The following PTPN12 variants were observed in gnomAD, a reference collection of about 807,000 sequenced individuals.
PTPN12 encodes the protein protein tyrosine phosphatase non-receptor type 12, also known as tyrosine-protein phosphatase non-receptor type 12.
In PTPN12, 29 loss-of-function variants were observed where a neutral mutation model predicts 97.6. That is an observed-to-expected ratio of 0.30 (90% CI 0.22 to 0.41). The LOEUF is 0.41. Among genes scored for constraint, PTPN12 ranks in the 10% least tolerant of loss-of-function variants. The pLI, the probability that PTPN12 is intolerant of heterozygous loss-of-function variation, is 1.00. For synonymous variants in PTPN12, 327 were observed against 300.4 expected (o/e 1.09, Z -0.91); for missense variants, 819 against 926.0 (o/e 0.88, Z 1.50).
intron 3 of PTPN12, 27 bp downstream of exon 3, chr7:77,581,530 C>T (rs1257083059): frequency 7.2e-7 from 1 of 1,396,370 alleles, no homozygotes; most frequent in Admixed American, 2.0e-5. Context: ...AATGGTGTTT[C>T]TCTGCCATAT....
chr7:77,638,521 GT>G, intron 16 of PTPN12, 102 bp from the exon 17 acceptor site: 1 of 1,335,902 alleles, frequency 7.5e-7, no homozygotes, highest in Middle Eastern at 2.0e-4. Flanking sequence ...AGGAGAGAAA[GT>G]TTTCTCTTTT....
In PTPN12 at chr7:77,564,747, T is replaced by TTTTTTTG. The variant is rs1554312984; in HGVS notation, c.100-6325_100-6324insGTTTTTT. 1.3e-3 allele frequency among the ~76,000 whole-genome samples: 54 copies of TTTTTTTG among 42,128 alleles called. 1 individual carries two copies. The highest frequency in any genetic ancestry group is 2.1e-3 in the African/African-American group (17 of 7,990). The allele number at this position is 42,128 out of a possible 152,430, so 27.6% of individuals were successfully genotyped here. ...TTTGTTGTTGTTTTTTGTTGTCGTG[T>TTTTTTTG]TTTTTTTTTTTTTTTTTTTTTTTTT... On this transcript the variant is annotated intron_variant, in intron 1 of 17. Transcript: ENST00000248594.
intron 12 of PTPN12, among the ~76,000 whole-genome samples, chr7:77,625,510 TCTCTCTCTCTCTCA>T (rs1354500183): frequency 4.4e-4 from 44 of 100,368 alleles, no homozygotes; most frequent in South Asian, 7.0e-4. Context: ...TCTCTCTCTC[TCTCTCTCTCTCTCA>T]CTCTCACTCT....
chr7:77,574,936 A>C (rs909609068), intron 2 of PTPN12, among the ~76,000 whole-genome samples: 1 of 151,844 alleles, frequency 6.6e-6, no homozygotes, highest in Non-Finnish European at 1.5e-5. Flanking sequence ...GGTTTAAGCA[A>C]TTCTCGTGCC....
At chr7:77,586,029 C>G (rs538228614) in intron 5 of PTPN12, among the ~76,000 whole-genome samples, 1 of 152,278 alleles carries the variant, frequency 6.6e-6, no homozygotes, top group African/African-American at 2.4e-5. Flanking sequence ...TCTTGGCTCA[C>G]TGCAACCTCC....
chr7:77,631,691 T>G (rs1420421180), intron 13 of PTPN12, among the ~76,000 whole-genome samples: 1 of 152,242 alleles, frequency 6.6e-6, no homozygotes, highest in Non-Finnish European at 1.5e-5. Flanking sequence ...TGTATATAGC[T>G]TCAGTCAGCA....
At chr7:77,633,419 C>G (rs565909239) in intron 14 of PTPN12, among the ~76,000 whole-genome samples, 1 of 152,094 alleles carries the variant, frequency 6.6e-6, no homozygotes, top group Non-Finnish European at 1.5e-5. Flanking sequence ...ACCATCCTGG[C>G]TAACACACTG....
chr7:77,586,150 C>T (rs1386604760), intron 5 of PTPN12, among the ~76,000 whole-genome samples: 3 of 152,120 alleles, frequency 2.0e-5, no homozygotes, highest in Non-Finnish European at 4.4e-5. Flanking sequence ...GATGGGGTTT[C>T]ACCATGTTGG....
intron 9 of PTPN12, among the ~76,000 whole-genome samples, chr7:77,607,567 C>G (rs950937497): frequency 2.0e-5 from 3 of 151,716 alleles, no homozygotes; most frequent in African/African-American, 7.3e-5. Flanking sequence ...ACCCCCGTCT[C>G]TAAAAATAAT....
At chr7:77,576,526 G>A (rs1787347922) in intron 2 of PTPN12, among the ~76,000 whole-genome samples, 2 of 152,004 alleles carry the variant, frequency 1.3e-5, no homozygotes, top group East Asian at 1.9e-4. Flanking sequence ...GTGAAACCCC[G>A]CCTCTACTAA....
At chr7:77,638,511 A>G in intron 16 of PTPN12, 113 bp from the exon 17 acceptor site, 1 of 1,318,150 alleles carries the variant, frequency 7.6e-7, no homozygotes, top group Non-Finnish European at 9.7e-7. Flanking sequence ...TATGGTGCCC[A>G]GGAGAGAAAG....
rs180716083 is a variant in PTPN12 at position 77,611,294 on chromosome 7, A to G, written c.939+248A>G. On this transcript the variant is annotated intron_variant, in intron 11 of 17. Coordinates refer to ENST00000248594, the MANE Select transcript of PTPN12 (RefSeq NM_002835.4). The stretch of plus-strand genomic sequence containing the variant: ...TAGGAAAGATCTCATGTCAAAAATC[A>G]TATAATTCGTTAATGTTTTACTTTT... Among the ~76,000 whole-genome samples the G allele has an allele frequency of 2.6e-4, 40 of 152,338 alleles. 1 individual carries two copies. Among genetic ancestry groups the G allele is most frequent in the African/African-American group, 8.2e-4 (34 of 41,566 alleles).
intron 2 of PTPN12, among the ~76,000 whole-genome samples, chr7:77,580,470 ATATAAC>A (rs1268249050): frequency 2.0e-5 from 3 of 152,230 alleles, no homozygotes; most frequent in African/African-American, 7.2e-5. Flanking sequence ...TTTTCAAAGT[ATATAAC>A]TATATGTGTA....
intron 1 of PTPN12, chr7:77,538,101 A>G: frequency 2.0e-6 from 2 of 990,378 alleles, no homozygotes; most frequent in Non-Finnish European, 2.4e-6. Context: ...GAACGGGGGT[A>G]TTGAGGTTGG....
intron 5 of PTPN12, among the ~76,000 whole-genome samples, chr7:77,587,351 C>T (rs1787723342): frequency 6.6e-6 from 1 of 151,718 alleles, no homozygotes; most frequent in Non-Finnish European, 1.5e-5. Flanking sequence ...TTTGGGTGAC[C>T]AGGTGCGTTG....
At chr7:77,625,493 C>A (rs1789121816) in intron 12 of PTPN12, among the ~76,000 whole-genome samples, 1 of 103,648 alleles carries the variant, frequency 9.6e-6, no homozygotes. Flanking sequence ...CTCTCTCTCT[C>A]TCTCTCTCTC....
At chr7:77,578,338 T>C (rs1449091661) in intron 2 of PTPN12, among the ~76,000 whole-genome samples, 1 of 152,204 alleles carries the variant, frequency 6.6e-6, no homozygotes, top group East Asian at 1.9e-4. Flanking sequence ...CTTTTTTTTG[T>C]ATGTGTATTT....
chr7:77,548,462 A>G (rs563582546), intron 1 of PTPN12, among the ~76,000 whole-genome samples: 4 of 152,346 alleles, frequency 2.6e-5, no homozygotes, highest in Admixed American at 2.6e-4. Context: ...TCCTGACGTC[A>G]TAAACTCTTT....
intron 3 of PTPN12, 31 bp downstream of exon 3, chr7:77,581,534 G>A: frequency 1.5e-6 from 2 of 1,375,030 alleles, no homozygotes; most frequent in Non-Finnish European, 2.0e-6. Flanking sequence ...GTGTTTCTCT[G>A]CCATATTAAT....
Sources: gnomAD v4.1 joint callset for allele counts (sites outside exome capture counted in the v4.1 genomes callset) on GRCh38, gnomAD v4.1.1 for gene constraint, MANE v1.5 for transcripts, NCBI Gene and HGNC (gene_info 2026-07-23, HGNC 2026-07-21) for gene names.